Variants in ADGRL2 observed in about 807,000 individuals in gnomAD.
The protein encoded by ADGRL2 is adhesion G protein-coupled receptor L2.
ADGRL2 carries 44 observed loss-of-function variants against 157.4 expected under a neutral mutation model. The observed-to-expected ratio is 0.28, with a 90% CI of 0.22 to 0.36. ADGRL2 has a LOEUF of 0.36. Among genes scored for constraint, ADGRL2 ranks in the 10% least tolerant of loss-of-function variants. The probability of loss-of-function intolerance (pLI) is 1.00; values close to 1 mark genes in which losing one functional copy is unlikely to be tolerated. For missense variants in ADGRL2, 1,510 were observed against 1,768.9 expected (o/e 0.85, Z 2.63); for synonymous variants, 585 against 624.7 (o/e 0.94, Z 0.95).
chr1:81,340,908 A>C (rs867778351), intron 1 of ADGRL2, among the ~76,000 whole-genome samples: 13 of 141,576 alleles, frequency 9.2e-5, no homozygotes, highest in South Asian at 8.8e-4. Context: ...TTTTTTTTTT[A>C]AATGGAACCT....
At chr1:81,406,651 T>G (rs1207622692) in intron 1 of ADGRL2, among the ~76,000 whole-genome samples, 7 of 152,210 alleles carry the variant, frequency 4.6e-5, no homozygotes, top group Admixed American at 4.6e-4. Context: ...ACCATTGCTA[T>G]TGATATTTTT....
intron 2 of ADGRL2, among the ~76,000 whole-genome samples, chr1:81,772,048 G>A (rs917751662): frequency 2.6e-5 from 4 of 152,106 alleles, no homozygotes; most frequent in Admixed American, 1.3e-4. Flanking sequence ...TCAGGAGTTT[G>A]AGACCAGCTT....
chr1:81,429,752 T>C (rs1162358812), intron 1 of ADGRL2, among the ~76,000 whole-genome samples: 1 of 152,142 alleles, frequency 6.6e-6, no homozygotes, highest in Non-Finnish European at 1.5e-5. Context: ...CATATATAAA[T>C]GGAACAAATC....
intron 1 of ADGRL2, among the ~76,000 whole-genome samples, chr1:81,412,114 T>C (rs1389622590): frequency 3.3e-5 from 5 of 152,122 alleles, no homozygotes; most frequent in South Asian, 2.1e-4. Flanking sequence ...CTATAAGATA[T>C]ACAGTTACTA....
chr1:81,376,462 T>C (rs1172225792), intron 1 of ADGRL2, among the ~76,000 whole-genome samples: 1 of 152,188 alleles, frequency 6.6e-6, no homozygotes, highest in Non-Finnish European at 1.5e-5. Context: ...CACACAATGG[T>C]GATATAACCT....
At chr1:81,767,020 C>T (rs981348428) in intron 2 of ADGRL2, among the ~76,000 whole-genome samples, 2 of 151,918 alleles carry the variant, frequency 1.3e-5, no homozygotes, top group East Asian at 3.9e-4. Flanking sequence ...CTATCCCTTG[C>T]TTTTCTTTAT....
intron 1 of ADGRL2, among the ~76,000 whole-genome samples, chr1:81,745,848 G>C (rs1346448051): frequency 6.6e-6 from 1 of 152,062 alleles, no homozygotes; most frequent in Non-Finnish European, 1.5e-5. Context: ...TAGTTGGCTA[G>C]TTTTGTAGGT....
intron 2 of ADGRL2, among the ~76,000 whole-genome samples, chr1:81,562,048 T>C (rs1413810581): frequency 6.6e-6 from 1 of 152,188 alleles, no homozygotes; most frequent in African/African-American, 2.4e-5. Context: ...ATTTTTAAGG[T>C]AAAAGACAAG....
intron 1 of ADGRL2, chr1:81,721,844 G>T: frequency 1.1e-6 from 1 of 878,880 alleles, no homozygotes; most frequent in Non-Finnish European, 1.9e-6. Context: ...TAAATCTGAA[G>T]AAAATACCAA....
chr1:81,452,666 C>G (rs2077723675), intron 2 of ADGRL2, among the ~76,000 whole-genome samples: 1 of 152,162 alleles, frequency 6.6e-6, no homozygotes, highest in Non-Finnish European at 1.5e-5. Flanking sequence ...AATAGCATTT[C>G]CTGCACCTTA....
chr1:81,870,804 TG>T (rs1263700077), intron 2 of ADGRL2, among the ~76,000 whole-genome samples: 2 of 152,102 alleles, frequency 1.3e-5, no homozygotes, highest in African/African-American at 4.8e-5. Flanking sequence ...TCTATTTTTC[TG>T]TTCATGAAAA....
chr1:81,500,761 A>C (rs2078828305), intron 2 of ADGRL2, among the ~76,000 whole-genome samples: 1 of 152,222 alleles, frequency 6.6e-6, no homozygotes, highest in Non-Finnish European at 1.5e-5. Context: ...TTACTGTAGA[A>C]TGTACTTAAG....
At chr1:81,474,786 C>T (rs1372296062) in intron 2 of ADGRL2, among the ~76,000 whole-genome samples, 6 of 152,138 alleles carry the variant, frequency 3.9e-5, no homozygotes, top group South Asian at 2.1e-4. Context: ...TATGAAATTT[C>T]TTCCATCATT....
At chr1:81,578,673 A>T (rs370380511) in intron 2 of ADGRL2, among the ~76,000 whole-genome samples, 14 of 152,164 alleles carry the variant, frequency 9.2e-5, no homozygotes, top group East Asian at 7.7e-4. Flanking sequence ...TATTTAAAAA[A>T]ATTTTTTTGA....
chr1:81,478,492 T>A (rs529891164), intron 2 of ADGRL2, among the ~76,000 whole-genome samples: 148 of 152,364 alleles, frequency 9.7e-4, no homozygotes, highest in Non-Finnish European at 1.5e-3. Context: ...TGGTGCTTGC[T>A]TTAAGTGCAG....
chr1:81,934,013 T>C (rs1394537523), intron 3 of ADGRL2, among the ~76,000 whole-genome samples: 1 of 152,118 alleles, frequency 6.6e-6, no homozygotes, highest in Non-Finnish European at 1.5e-5. Context: ...AAAATGAATA[T>C]TTTTTATATT....
intron 3 of ADGRL2, among the ~76,000 whole-genome samples, chr1:81,655,089 G>A (rs1395798637): frequency 6.6e-6 from 1 of 152,182 alleles, no homozygotes; most frequent in African/African-American, 2.4e-5. Flanking sequence ...GAGCCAGGGG[G>A]GCAAGAGGGG....
intron 2 of ADGRL2, among the ~76,000 whole-genome samples, chr1:81,887,357 C>A (rs903448826): frequency 3.3e-5 from 5 of 152,126 alleles, no homozygotes; most frequent in Non-Finnish European, 7.3e-5. Flanking sequence ...AAAGTTTAGA[C>A]TAGAGCAGTG....
At chr1:81,526,817 A>G (rs2079469221) in intron 2 of ADGRL2, among the ~76,000 whole-genome samples, 1 of 152,234 alleles carries the variant, frequency 6.6e-6, no homozygotes, top group Non-Finnish European at 1.5e-5. Context: ...ATTAAATCAG[A>G]TATTTTTGTC....
Sources: gnomAD v4.1 joint callset for allele counts (sites outside exome capture counted in the v4.1 genomes callset) on GRCh38, gnomAD v4.1.1 for gene constraint, MANE v1.5 for transcripts, NCBI Gene and HGNC (gene_info 2026-07-23, HGNC 2026-07-21) for gene names.